The following DSCC1 variants were observed in gnomAD, a reference collection of about 807,000 sequenced individuals.
DSCC1 encodes DNA replication and sister chromatid cohesion 1.
Under a neutral mutation model 48.2 loss-of-function variants are expected in DSCC1, and 32 were observed. That is an observed-to-expected ratio of 0.66 (90% confidence interval 0.50 to 0.89). DSCC1 has a LOEUF of 0.89. Ranked by LOEUF, DSCC1 falls within the 40% of genes least tolerant of loss-of-function variation. DSCC1 has a pLI of 0.00. For missense variants in DSCC1, 421 were observed against 471.7 expected (o/e 0.89, Z 1.00); for synonymous variants, 150 against 171.5 (o/e 0.87, Z 0.98).
intron 2 of DSCC1, among the ~76,000 whole-genome samples, chr8:119,851,814 G>A (rs565725885): frequency 2.0e-5 from 3 of 152,130 alleles, no homozygotes; most frequent in East Asian, 3.9e-4. Context: ...TATGGCTTTG[G>A]TTAGTGGATC....
chr8:119,842,225 C>A (rs1826782954), intron 6 of DSCC1, among the ~76,000 whole-genome samples: 2 of 152,018 alleles, frequency 1.3e-5, no homozygotes, highest in Non-Finnish European at 2.9e-5. Flanking sequence ...AGGTGTGTGC[C>A]ATCACGCCTG....
At chr8:119,849,427 A>G (rs1047325579) in intron 3 of DSCC1, among the ~76,000 whole-genome samples, 2 of 152,120 alleles carry the variant, frequency 1.3e-5, no homozygotes, top group Non-Finnish European at 1.5e-5. Context: ...AAAACAAAAC[A>G]CTGATACATG....
chr8:119,843,886 G>T, intron 4 of DSCC1, 139 bp from the exon 5 acceptor site: 1 of 799,776 alleles, frequency 1.3e-6, no homozygotes, highest in Non-Finnish European at 1.9e-6. Flanking sequence ...AAGCAATTCT[G>T]CCATCTCAGT....
At chr8:119,835,537 CA>C (rs1826668441) in intron 8 of DSCC1, among the ~76,000 whole-genome samples, 1 of 151,532 alleles carries the variant, frequency 6.6e-6, no homozygotes, top group South Asian at 2.1e-4. Context: ...AAGCAAAAAA[CA>C]AAAACTAGAA....
At position 119,843,748 on chromosome 8, in the gene DSCC1, C is replaced by T. The variant is rs755408235; in HGVS notation, c.578-1G>A. ...TCAAATTCAAGAATCCTCCAATAAC[C>T]TACAAATTTCAAAAGTTATATTTAC... On this transcript the variant is annotated splice_acceptor_variant, in intron 4 of 8. Transcript: ENST00000313655. LOFTEE classifies it high-confidence loss of function. 1 of 1,598,066 alleles carries T rather than the reference C, an allele frequency of 6.3e-7. No homozygotes were observed. Among genetic ancestry groups the T allele is most frequent in the Non-Finnish European group, 8.5e-7 (1 of 1,176,088 alleles).
intron 7 of DSCC1, chr8:119,838,669 T>C: frequency 3.4e-6 from 1 of 291,350 alleles, no homozygotes; most frequent in Non-Finnish European, 6.3e-6. Context: ...ACCAGTAACC[T>C]GTCATTGCCA....
intron 2 of DSCC1, among the ~76,000 whole-genome samples, chr8:119,850,856 AC>A (rs1160647984): frequency 6.6e-6 from 1 of 152,202 alleles, no homozygotes; most frequent in Non-Finnish European, 1.5e-5. Context: ...AAATGAATAT[AC>A]TTAGGCAAAA....
intron 8 of DSCC1, among the ~76,000 whole-genome samples, chr8:119,835,482 G>C (rs1826666707): frequency 6.6e-6 from 1 of 151,792 alleles, no homozygotes; most frequent in Non-Finnish European, 1.5e-5. Context: ...ACTCCAGCCT[G>C]AGTGACAGTG....
chr8:119,843,964 A>G (rs1826813144), intron 4 of DSCC1, among the ~76,000 whole-genome samples: 2 of 152,178 alleles, frequency 1.3e-5, no homozygotes, highest in South Asian at 4.2e-4. Flanking sequence ...TTTAGTAGAA[A>G]CAGGGTTCCA....
intron 7 of DSCC1, chr8:119,839,268 G>A (rs986534394): frequency 6.6e-6 from 1 of 152,198 alleles, no homozygotes; most frequent in Non-Finnish European, 1.5e-5. Flanking sequence ...CAGCTGAGAT[G>A]TCTCTCTTGA....
intron 3 of DSCC1, among the ~76,000 whole-genome samples, chr8:119,848,564 C>A (rs75635055): frequency 0.03 from 4,509 of 152,282 alleles, 98 homozygotes; most frequent in Non-Finnish European, 0.048. Context: ...AGTACGGCAG[C>A]TTGAAAGCTT....
intron 4 of DSCC1, 102 bp from the exon 5 acceptor site, chr8:119,843,849 T>C (rs1009196840): frequency 3.3e-6 from 4 of 1,200,680 alleles, no homozygotes; most frequent in African/African-American, 1.5e-5. Flanking sequence ...TGATCTCAGC[T>C]CATCGCAACC....
At chr8:119,835,142 G>T (rs752858144) in intron 8 of DSCC1, 141 bp from the exon 9 acceptor site, 1 of 583,458 alleles carries the variant, frequency 1.7e-6, no homozygotes, top group Non-Finnish European at 2.9e-6. Flanking sequence ...GGAGAGATAG[G>T]GTGGGGAGTG....
At chr8:119,835,561 T>G (rs1344386567) in intron 8 of DSCC1, among the ~76,000 whole-genome samples, 1 of 152,096 alleles carries the variant, frequency 6.6e-6, no homozygotes, top group African/African-American at 2.4e-5. Context: ...AATGTATTAT[T>G]TAACCCTATA....
At chr8:119,842,232 C>G (rs1826783295) in intron 6 of DSCC1, among the ~76,000 whole-genome samples, 3 of 152,026 alleles carry the variant, frequency 2.0e-5, no homozygotes, top group South Asian at 4.1e-4. Context: ...TGCCATCACG[C>G]CTGGCTAATT....
At position 119,838,369 on chromosome 8, in the gene DSCC1, G is replaced by A; in HGVS notation, c.963C>T (p.Ile321=). 1.2e-6 allele frequency: 2 copies of A among 1,607,860 alleles called. No individual in the cohort carries two copies. Among genetic ancestry groups the A allele is most frequent in the Non-Finnish European group, 1.7e-6 (2 of 1,177,706 alleles). The change falls in exon 8 of 9, where the codon ATC becomes ATT. Residue 321 remains isoleucine, a synonymous_variant. Transcript: ENST00000313655. ...AATCATCTACTTTCAGCAAAAATAT[G>A]ATTTCTGGTCTCGAGTGTCTATCCA... The part of the protein sequence containing the change: ...ALVDRHSRPE[I]IFLLKVDDLP...
At chr8:119,844,435 CA>C (rs71571634) in intron 4 of DSCC1, among the ~76,000 whole-genome samples, 1,846 of 103,896 alleles carry the variant, frequency 0.018, 25 homozygotes, top group African/African-American at 0.058. Context: ...AGACTGTCTC[CA>C]AAAAAAAAAA....
At position 119,855,725 on chromosome 8, in the gene DSCC1, G is replaced by A. The variant is rs1363780415; in HGVS notation, c.71C>T (p.Pro24Leu). The A allele has an allele frequency of 6.4e-7, 1 of 1,572,758 alleles. No individual in the cohort carries two copies. The change falls in exon 1 of 9, where the codon CCG becomes CTG. Residue 24 changes from proline to leucine, a missense_variant. Physicochemically the swap from Pro to Leu is moderately conservative, Grantham distance 98. This residue lies in a region of DSCC1 where 174 missense variants were observed against 184.5 expected (regional missense o/e 0.94). Transcript: ENST00000313655. ...GCCGAAGCCCAGGCAGTGCACCGCC[G>A]GCAGCAGCTCGGCCGCATTCAGCTT... is the stretch of plus-strand genomic sequence containing the variant. ...IAKLNAAELL[P>L]AVHCLGFGPG...
chr8:119,835,915 C>A (rs1270928914), intron 8 of DSCC1, among the ~76,000 whole-genome samples: 2 of 152,148 alleles, frequency 1.3e-5, no homozygotes, highest in Non-Finnish European at 2.9e-5. Context: ...TCACGTAGAA[C>A]CTTGAAGGAC....
Sources: allele counts gnomAD v4.1 joint callset (sites outside exome capture counted in the v4.1 genomes callset), GRCh38; gene constraint gnomAD v4.1.1; regional missense constraint gnomAD v4.1.1; transcripts MANE v1.5; gene names NCBI Gene and HGNC (gene_info 2026-07-23, HGNC 2026-07-21).